Variants in MED13 observed in about 807,000 individuals in gnomAD.
MED13 encodes mediator of RNA polymerase II transcription subunit 13.
In MED13, 23 loss-of-function variants were observed where a neutral mutation model predicts 225.2. The observed-to-expected ratio is 0.10, with a 90% CI of 0.07 to 0.14. The LOEUF (loss-of-function observed/expected upper bound fraction) is 0.14. Ranked by LOEUF, MED13 falls within the 10% of genes least tolerant of loss-of-function variation. The probability of loss-of-function intolerance (pLI) is 1.00; values close to 1 mark genes in which losing one functional copy is unlikely to be tolerated. For missense variants in MED13, 2,197 were observed against 2,594.5 expected (o/e 0.85, Z 3.33); for synonymous variants, 942 against 889.2 (o/e 1.06, Z -1.06).
At chr17:62,062,466 T>C (rs566585862) in intron 2 of MED13, among the ~76,000 whole-genome samples, 3 of 152,298 alleles carry the variant, frequency 2.0e-5, no homozygotes, top group South Asian at 4.1e-4. Flanking sequence ...TTTTCTCTTA[T>C]TATGTTTGAC....
intron 21 of MED13, among the ~76,000 whole-genome samples, chr17:61,962,271 C>A (rs556116271): frequency 6.6e-6 from 1 of 151,864 alleles, no homozygotes; most frequent in East Asian, 1.9e-4. Context: ...GGCGACAGAG[C>A]GAGACTCTGT....
At chr17:61,953,884 T>G (rs923038383) in intron 26 of MED13, among the ~76,000 whole-genome samples, 5 of 152,238 alleles carry the variant, frequency 3.3e-5, no homozygotes, top group Non-Finnish European at 4.4e-5. Flanking sequence ...CCCACATAGA[T>G]TCCTGAAACC....
intron 17 of MED13, among the ~76,000 whole-genome samples, chr17:61,969,693 C>T (rs888295394): frequency 2.6e-5 from 4 of 152,028 alleles, no homozygotes; most frequent in African/African-American, 7.3e-5. Flanking sequence ...CCTCCACCTC[C>T]TGGGTTCAAG....
intron 16 of MED13, among the ~76,000 whole-genome samples, chr17:61,974,066 T>C (rs2080132301): frequency 6.6e-6 from 1 of 152,148 alleles, no homozygotes; most frequent in African/African-American, 2.4e-5. Context: ...ATATGTAATA[T>C]GCTTAAATAA....
intron 8 of MED13, among the ~76,000 whole-genome samples, chr17:62,028,961 G>A (rs1373774250): frequency 6.6e-6 from 1 of 152,096 alleles, no homozygotes; most frequent in East Asian, 1.9e-4. Context: ...TTCGAAATAA[G>A]CCTGGACAAC....
At chr17:61,992,376 C>T (rs1291184583) in intron 11 of MED13, among the ~76,000 whole-genome samples, 164 bp downstream of exon 11, 1 of 152,198 alleles carries the variant, frequency 6.6e-6, no homozygotes, top group African/African-American at 2.4e-5. Flanking sequence ...GAACTTGCTT[C>T]TTCCAATAAA....
In MED13 at chr17:61,943,631, A is replaced by G. The variant is rs543076910; in HGVS notation, c.*2837T>C. 2.4e-3 allele frequency: 360 copies of G among 152,756 alleles called. No individual in the cohort carries two copies. Among genetic ancestry groups the G allele is most frequent in the African/African-American group, 8.2e-3 (339 of 41,580 alleles). 9.5% of individuals were successfully genotyped at this position (152,756 alleles called of 1,614,324 possible). A position where few individuals can be genotyped will look rare whatever the true frequency, so the allele number is the denominator to read the frequency against. On this transcript the variant is annotated 3_prime_UTR_variant, in exon 30 of 30. Coordinates refer to ENST00000397786, the MANE Select transcript of MED13 (RefSeq NM_005121.3). ...AGCTACTTTAAAATTTAAGGATTAC[A>G]TATAAGTACACTTGGTGGCCTTCTG...
intron 1 of MED13, among the ~76,000 whole-genome samples, chr17:62,064,201 T>A (rs367873694): frequency 6.6e-6 from 1 of 152,248 alleles, no homozygotes; most frequent in African/African-American, 2.4e-5. Context: ...AAGGAGAAAA[T>A]GAAAAAGTAA....
intron 2 of MED13, among the ~76,000 whole-genome samples, chr17:62,056,633 T>C (rs935290780): frequency 3.9e-5 from 6 of 152,044 alleles, no homozygotes; most frequent in Admixed American, 1.3e-4. Context: ...ATAGTGGCAA[T>C]GCCTGTAGGC....
rs548662472 is a variant in MED13, at chr17:62,011,490, T to C, written c.1284-257A>G. ...GCCATGTGATCAGACAGCCAAAGAT[T>C]ATGTCTTACATGATTTAAATATTTT... On this transcript the variant is annotated intron_variant, in intron 8 of 29. Transcript: ENST00000397786. Among the ~76,000 whole-genome samples the C allele has an allele frequency of 1.9e-3, 279 of 150,606 alleles. 2 individuals carry two copies. In the Middle Eastern group the frequency reaches 0.024, roughly 13 times the overall value.
chr17:61,994,676 C>T (rs2080332265), intron 10 of MED13, among the ~76,000 whole-genome samples: 1 of 152,092 alleles, frequency 6.6e-6, no homozygotes, highest in African/African-American at 2.4e-5. Context: ...TAATTGGTAC[C>T]ATGTGCTTGA....
intron 10 of MED13, among the ~76,000 whole-genome samples, chr17:61,993,290 C>G (rs1223407706): frequency 1.3e-5 from 2 of 150,350 alleles, no homozygotes; most frequent in Non-Finnish European, 3.0e-5. Flanking sequence ...CAACCTCCCC[C>G]TCCTGGGTTC....
At chr17:62,023,771 G>C (rs796520989) in intron 8 of MED13, among the ~76,000 whole-genome samples, 3 of 152,328 alleles carry the variant, frequency 2.0e-5, no homozygotes, top group African/African-American at 7.2e-5. Flanking sequence ...CTATGGCAAA[G>C]AGGATACACA....
chr17:61,968,380 C>A (rs1194694149), intron 17 of MED13, 122 bp from the exon 18 acceptor site: 3 of 680,302 alleles, frequency 4.4e-6, no homozygotes, highest in Non-Finnish European at 6.5e-6. Flanking sequence ...GACTGGAGTG[C>A]AGTGGCGCCA....
At chr17:61,990,341 T>C (rs2080285116) in intron 11 of MED13, among the ~76,000 whole-genome samples, 1 of 151,966 alleles carries the variant, frequency 6.6e-6, no homozygotes, top group Non-Finnish European at 1.5e-5. Flanking sequence ...CACATATATA[T>C]GTAAAATAAT....
At chr17:61,987,284 A>G (rs2080256214) in intron 11 of MED13, among the ~76,000 whole-genome samples, 156 bp from the exon 12 acceptor site, 1 of 152,134 alleles carries the variant, frequency 6.6e-6, no homozygotes. Flanking sequence ...AAACTACAAA[A>G]ATCAGCTGAG....
intron 11 of MED13, 133 bp from the exon 12 acceptor site, chr17:61,987,261 C>T (rs2080255880): frequency 2.4e-6 from 1 of 411,676 alleles, no homozygotes; most frequent in East Asian, 4.9e-5. Context: ...ATGGTGAAAC[C>T]CCGTCTCTAC....
At chr17:61,978,510 T>G (rs879492924) in intron 16 of MED13, among the ~76,000 whole-genome samples, 15 of 152,156 alleles carry the variant, frequency 9.9e-5, no homozygotes, top group Non-Finnish European at 1.6e-4. Context: ...CCCAGCACTT[T>G]GTGGGGGGCC....
chr17:62,052,568 A>G lies in MED13; in HGVS notation c.439T>C (p.Tyr147His). ...TTTATAGGTTTTTCATCTTTTTCAT[A>G]AGGCTTTACAAACCACTTGCCAATA... ...VRIGKWFVKP[Y>H]EKDEKPINKS... The change falls in exon 3 of 30, where the codon TAT becomes CAT. Residue 147 changes from tyrosine (Y) to histidine (H), a missense_variant. By Grantham distance (83) the Tyr-to-His change is moderately conservative. Around this residue, in one of 12 missense-constraint regions of MED13, gnomAD observed 884 missense variants for 918.5 expected, o/e 0.96. Coordinates refer to ENST00000397786, the MANE Select transcript of MED13 (RefSeq NM_005121.3). 3 of 1,587,430 alleles carry G rather than the reference A, an allele frequency of 1.9e-6. No homozygotes were observed. The highest frequency in any genetic ancestry group is 2.6e-6 in the Non-Finnish European group (3 of 1,167,590).
Sources: gnomAD v4.1 joint callset for allele counts (sites outside exome capture counted in the v4.1 genomes callset) on GRCh38, gnomAD v4.1.1 for gene constraint, gnomAD v4.1.1 regional missense constraint, MANE v1.5 for transcripts, NCBI Gene and HGNC (gene_info 2026-07-23, HGNC 2026-07-21) for gene names.